The following BPIFB3 variants were observed in gnomAD, a reference collection of about 807,000 sequenced individuals.
BPIFB3 encodes the protein BPI fold-containing family B member 3.
A neutral mutation model predicts 53.1 loss-of-function variants in BPIFB3; 49 were observed. The observed-to-expected ratio is 0.92, with a 90% CI of 0.73 to 1.17. The LOEUF is 1.17. Ranked by LOEUF, BPIFB3 falls within the 50% of genes most tolerant of loss-of-function variation. The pLI is 0.00. For synonymous variants in BPIFB3, 271 were observed against 269.6 expected (o/e 1.01, Z -0.05); for missense variants, 628 against 592.5 (o/e 1.06, Z -0.62).
At chr20:33,054,169 C>T (rs1299495330), upstream of BPIFB3, among the ~76,000 whole-genome samples, 1 of 151,980 alleles carries the variant, frequency 6.6e-6, no homozygotes, top group Non-Finnish European at 1.5e-5. Context: ...TATTCACAGC[C>T]GGAGGGGTGG....
chr20:33,068,904 C>T, exon 10 of BPIFB3: 4 of 1,614,082 alleles, frequency 2.5e-6, no homozygotes, highest in Non-Finnish European at 3.4e-6. Context: ...TGGTCTCCCT[C>T]CCAGCCAACA....
chr20:33,059,408 G>A (rs759820200), exon 3 of BPIFB3: 5 of 1,612,918 alleles, frequency 3.1e-6, no homozygotes, highest in Non-Finnish European at 4.2e-6. Flanking sequence ...CGCTGCCAAA[G>A]GTGTTGCTGA....
chr20:33,073,165 A>G (rs943800476), intron 14 of BPIFB3, among the ~76,000 whole-genome samples: 2 of 152,204 alleles, frequency 1.3e-5, no homozygotes, highest in African/African-American at 4.8e-5. Context: ...TGCAGCAGAT[A>G]TGACCAATGG....
At chr20:33,064,822 G>C (rs139513207) in exon 8 of BPIFB3, 15 of 1,613,170 alleles carry the variant, frequency 9.3e-6, no homozygotes, top group Admixed American at 5.0e-5. Flanking sequence ...CGGCGCCCTC[G>C]ACATGGACAT....
intron 8 of BPIFB3, among the ~76,000 whole-genome samples, chr20:33,066,286 T>C (rs1182984948): frequency 6.6e-6 from 1 of 152,216 alleles, no homozygotes; most frequent in Non-Finnish European, 1.5e-5. Context: ...GGGTGCAGGC[T>C]CAGTGTGACC....
chr20:33,072,638 T>G (rs1600546668), intron 13 of BPIFB3, 79 bp from the exon 15 acceptor site: 1 of 1,209,396 alleles, frequency 8.3e-7, no homozygotes, highest in South Asian at 1.2e-5. Flanking sequence ...TGGAATAGGG[T>G]CAGCAGGGTC....
chr20:33,064,399 C>T, intron 6 of BPIFB3, 58 bp from the exon 8 acceptor site: 1 of 1,356,018 alleles, frequency 7.4e-7, no homozygotes, highest in Non-Finnish European at 1.1e-6. Context: ...GAAATAGGGG[C>T]TATTATGATT....
chr20:33,056,837 G>A (rs1230245984), intron 2 of BPIFB3, 139 bp downstream of exon 3: 2 of 1,073,778 alleles, frequency 1.9e-6, no homozygotes, highest in Non-Finnish European at 2.6e-6. Flanking sequence ...TAAAAATGAT[G>A]ACTCTACTGC....
intron 9 of BPIFB3, among the ~76,000 whole-genome samples, chr20:33,067,202 G>A (rs1180344862): frequency 6.6e-6 from 1 of 152,168 alleles, no homozygotes; most frequent in African/African-American, 2.4e-5. Context: ...CCTGACCTTA[G>A]TCTTCAATGT....
chr20:33,067,133 A>G (rs1980702702), intron 9 of BPIFB3, among the ~76,000 whole-genome samples: 1 of 152,252 alleles, frequency 6.6e-6, no homozygotes, highest in Non-Finnish European at 1.5e-5. Flanking sequence ...TCTGTAGCAC[A>G]CAAGGACAAA....
chr20:33,055,311 AT>A (rs1478155032), upstream of BPIFB3: 6 of 1,498,474 alleles, frequency 4.0e-6, no homozygotes, highest in Non-Finnish European at 5.4e-6. Flanking sequence ...GTGAAGCTCA[AT>A]TTGGGCTGTG....
intron 10 of BPIFB3, 85 bp downstream of exon 11, chr20:33,069,058 C>A: frequency 2.1e-6 from 3 of 1,455,176 alleles, no homozygotes; most frequent in Admixed American, 2.1e-5. Context: ...GGTACCGTCC[C>A]CCTGATTTCA....
At chr20:33,060,366 CAT>C (rs1199189308) in intron 4 of BPIFB3, among the ~76,000 whole-genome samples, 1 of 152,116 alleles carries the variant, frequency 6.6e-6, no homozygotes, top group African/African-American at 2.4e-5. Flanking sequence ...GCTCTCAGCA[CAT>C]GAGACCCAAC....
chr20:33,055,156 G>T (rs1005691657), upstream of BPIFB3, among the ~76,000 whole-genome samples: 1 of 152,172 alleles, frequency 6.6e-6, no homozygotes, highest in East Asian at 1.9e-4. Context: ...TACCCCTTTC[G>T]GTCTCAGTTT....
At chr20:33,073,697 T>C, downstream of BPIFB3, 1 of 1,488,676 alleles carries the variant, frequency 6.7e-7, no homozygotes, top group Non-Finnish European at 9.3e-7. Flanking sequence ...TAGCTGATGT[T>C]GGTGACAGTA....
chr20:33,056,599 C>G, exon 2 of BPIFB3: 1 of 1,614,038 alleles, frequency 6.2e-7, no homozygotes, highest in East Asian at 2.2e-5. Context: ...GGATCGGTCA[C>G]AGCTGTGAAC....
chr20:33,067,198 C>T (rs1980705407), intron 9 of BPIFB3, among the ~76,000 whole-genome samples: 8 of 152,190 alleles, frequency 5.3e-5, no homozygotes, highest in Admixed American at 4.6e-4. Context: ...TCATCCTGAC[C>T]TTAGTCTTCA....
At chr20:33,065,422 G>A (rs1980628437) in intron 8 of BPIFB3, among the ~76,000 whole-genome samples, 1 of 152,010 alleles carries the variant, frequency 6.6e-6, no homozygotes, top group South Asian at 2.1e-4. Flanking sequence ...GAGGTGGAAG[G>A]ATCATGTGAG....
At chr20:33,072,722 C>T (rs780137488) in exon 14 of BPIFB3, 1 of 1,612,836 alleles carries the variant, frequency 6.2e-7, no homozygotes, top group East Asian at 2.2e-5. Flanking sequence ...CACAGTGGCC[C>T]TGGATGTTGG....
Sources: gnomAD v4.1 joint callset for allele counts (sites outside exome capture counted in the v4.1 genomes callset) on GRCh38, gnomAD v4.1.1 for gene constraint, MANE v1.5 for transcripts, NCBI Gene and HGNC (gene_info 2026-07-23, HGNC 2026-07-21) for gene names.